RAD54B: variants seen among roughly 807,000 people sequenced by gnomAD.
RAD54B encodes the protein DNA repair and recombination protein RAD54B.
RAD54B carries 78 observed loss-of-function variants against 95.8 expected under a neutral mutation model. That is an observed-to-expected ratio of 0.81 (90% CI 0.68 to 0.98). The LOEUF (loss-of-function observed/expected upper bound fraction) is 0.98, where lower values mean the gene tolerates loss of function less well. RAD54B is among the 50% of genes least tolerant of loss of function. The pLI is 0.00. For synonymous variants in RAD54B, 328 were observed against 354.9 expected (o/e 0.92, Z 0.85); for missense variants, 957 against 1,056.6 (o/e 0.91, Z 1.31).
chr8:94,422,603 AAAAAAAAAAAAAAAATATATATATATAT>A (rs1323984375), intron 3 of RAD54B, among the ~76,000 whole-genome samples: 5 of 97,334 alleles, frequency 5.1e-5, no homozygotes, highest in African/African-American at 2.0e-4. Context: ...AAAAAAAAAA[AAAAAAAAAAAAAAAATATATATATATAT>A]ATATATATAT....
chr8:94,462,371 C>CT (rs1233023059), intron 2 of RAD54B, among the ~76,000 whole-genome samples: 2 of 152,168 alleles, frequency 1.3e-5, no homozygotes, highest in Non-Finnish European at 2.9e-5. Context: ...TTGAGACTCT[C>CT]TAACACCATC....
intron 2 of RAD54B, among the ~76,000 whole-genome samples, chr8:94,459,528 T>G (rs1346991821): frequency 6.6e-6 from 1 of 151,922 alleles, no homozygotes; most frequent in Non-Finnish European, 1.5e-5. Context: ...TGCATCAAAA[T>G]AAGAAGGGAG....
intron 5 of RAD54B, among the ~76,000 whole-genome samples, chr8:94,406,159 T>A (rs550592126): frequency 2.0e-5 from 3 of 152,130 alleles, no homozygotes; most frequent in African/African-American, 7.2e-5. Flanking sequence ...TACTAGACAC[T>A]CTAAATCTCT....
rs1811330443 is a variant in RAD54B, at chr8:94,404,234, G to C, written c.787C>G (p.Leu263Val). Reference protein sequence around the residue: ...PRHDPYTPNSLVMPRPDKNHQ... With the variant: ...PRHDPYTPNSVVMPRPDKNHQ... Reference sequence around the variant, plus strand: ...TTCTTATCTGGTCGTGGCATAACGAGGGAATCTTAAAAAATGATAAAAGTA... The same window carrying C: ...TTCTTATCTGGTCGTGGCATAACGACGGAATCTTAAAAAATGATAAAAGTA... The change falls in exon 6 of 15, where the codon CTC becomes GTC. Residue 263 changes from leucine (L) to valine (V), a missense_variant. Coordinates refer to ENST00000336148, the MANE Select transcript of RAD54B (RefSeq NM_012415.3). The C allele has an allele frequency of 6.3e-7, 1 of 1,583,022 alleles. No homozygotes were observed. Among genetic ancestry groups the C allele is most frequent in the South Asian group, 1.2e-5 (1 of 84,664 alleles).
chr8:94,407,783 A>G, intron 4 of RAD54B, 63 bp from the exon 5 acceptor site: 1 of 1,412,184 alleles, frequency 7.1e-7, no homozygotes, highest in South Asian at 1.4e-5. Flanking sequence ...CCTTCCCGTA[A>G]CTGTACAAAA....
chr8:94,449,609 CAAA>C (rs369471365), intron 3 of RAD54B, among the ~76,000 whole-genome samples: 5 of 66,634 alleles, frequency 7.5e-5, no homozygotes, highest in Admixed American at 1.7e-4. Flanking sequence ...ACTCTGTCTC[CAAA>C]AAAAAAAAAA....
At chr8:94,432,496 T>C in intron 3 of RAD54B, 1 of 1,550,662 alleles carries the variant, frequency 6.4e-7, no homozygotes, top group Non-Finnish European at 8.7e-7. Context: ...TGTTCTTCTC[T>C]TTGCTCTAAA....
intron 3 of RAD54B, among the ~76,000 whole-genome samples, chr8:94,418,440 T>C (rs1811725855): frequency 6.6e-6 from 1 of 152,246 alleles, no homozygotes; most frequent in Non-Finnish European, 1.5e-5. Flanking sequence ...ACATCACCTT[T>C]ATCCATTTTT....
chr8:94,408,293 C>CA (rs1811443283), intron 4 of RAD54B, among the ~76,000 whole-genome samples: 1 of 152,002 alleles, frequency 6.6e-6, no homozygotes, highest in Admixed American at 6.6e-5. Flanking sequence ...ATTTGATGAA[C>CA]ATTTATTAAG....
At chr8:94,464,598 G>A (rs1812980688) in intron 2 of RAD54B, among the ~76,000 whole-genome samples, 1 of 152,164 alleles carries the variant, frequency 6.6e-6, no homozygotes, top group Non-Finnish European at 1.5e-5. Context: ...TTGGTGTCAT[G>A]AAAATGTTCT....
At chr8:94,438,663 T>G (rs1165389761) in intron 3 of RAD54B, among the ~76,000 whole-genome samples, 1 of 152,200 alleles carries the variant, frequency 6.6e-6, no homozygotes. Flanking sequence ...TTTGTTATTT[T>G]CAGAAGAAAT....
intron 10 of RAD54B, 101 bp downstream of exon 10, chr8:94,391,508 C>G: frequency 2.3e-6 from 3 of 1,277,094 alleles, no homozygotes; most frequent in Non-Finnish European, 3.2e-6. Context: ...TTTTGAAAAC[C>G]CACAAATGCA....
At chr8:94,419,472 C>A (rs1220971304) in intron 3 of RAD54B, among the ~76,000 whole-genome samples, 1 of 152,066 alleles carries the variant, frequency 6.6e-6, no homozygotes, top group Non-Finnish European at 1.5e-5. Context: ...CATGCCACTG[C>A]ACTCTAGCCT....
chr8:94,464,390 C>T (rs80143930), intron 2 of RAD54B, among the ~76,000 whole-genome samples: 1 of 151,946 alleles, frequency 6.6e-6, no homozygotes, highest in South Asian at 2.1e-4. Context: ...GAACAGATTT[C>T]CCCTAAAATC....
At chr8:94,382,119 A>AC (rs1167967227) in intron 11 of RAD54B, among the ~76,000 whole-genome samples, 2 of 151,706 alleles carry the variant, frequency 1.3e-5, no homozygotes, top group East Asian at 3.9e-4. Context: ...CTCTCAAAAA[A>AC]AAAAAAAAAA....
At chr8:94,402,726 GTTCAGAACTGTTT>G (rs1811293067) in intron 6 of RAD54B, among the ~76,000 whole-genome samples, 1 of 152,138 alleles carries the variant, frequency 6.6e-6, no homozygotes, top group South Asian at 2.1e-4. Flanking sequence ...GGAATGCCAT[GTTCAGAACTGTTT>G]TTCAGAAAAC....
At chr8:94,431,909 A>AG in intron 3 of RAD54B, 1 of 1,215,102 alleles carries the variant, frequency 8.2e-7, no homozygotes, top group Non-Finnish European at 1.0e-6. Context: ...AATTAAACTT[A>AG]GGGAAAAAAA....
rs1811427822 is a variant in RAD54B, at chr8:94,407,646, C to G, written c.574G>C (p.Glu192Gln). The G allele has an allele frequency of 2.5e-6, 4 of 1,613,972 alleles. No individual in the cohort carries two copies. In the East Asian group the frequency reaches 8.9e-5, roughly 36 times the overall value. The change falls in exon 5 of 15, where the codon GAA becomes CAA. Residue 192 changes from glutamate to glutamine, a missense_variant. Physicochemically the swap from Glu to Gln is conservative, Grantham distance 29 (BLOSUM62 2). Transcript: ENST00000336148. The stretch of plus-strand genomic sequence containing the variant: ...TCTGGAGAGATTACACCCATGACTT[C>G]TATTTCTTTTCCACAAATCATCAGT... ...QTLMICGKEI[E>Q]VMGVISPDDF...
At chr8:94,373,555 G>A (rs564347026) in intron 14 of RAD54B, among the ~76,000 whole-genome samples, 4 of 152,308 alleles carry the variant, frequency 2.6e-5, no homozygotes, top group African/African-American at 9.6e-5. Flanking sequence ...ATGGATGGAA[G>A]AGCTCCAAGT....
Sources: gnomAD v4.1 joint callset for allele counts (sites outside exome capture counted in the v4.1 genomes callset) on GRCh38, gnomAD v4.1.1 for gene constraint, MANE v1.5 for transcripts, NCBI Gene and HGNC (gene_info 2026-07-23, HGNC 2026-07-21) for gene names.